GDF6: variants seen among roughly 807,000 people sequenced by gnomAD.
GDF6 encodes growth differentiation factor 6, also known as growth/differentiation factor 6.
In GDF6, 3 loss-of-function variants were observed where a neutral mutation model predicts 32.4. That is an observed-to-expected ratio of 0.09 (90% CI 0.04 to 0.24). The LOEUF (loss-of-function observed/expected upper bound fraction) is 0.24, where lower values mean the gene tolerates loss of function less well. GDF6 is among the 10% of genes least tolerant of loss of function. The pLI, the probability that GDF6 is intolerant of heterozygous loss-of-function variation, is 1.00. For synonymous variants in GDF6, 296 were observed against 295.3 expected (o/e 1.00, Z -0.03); for missense variants, 589 against 637.9 (o/e 0.92, Z 0.83).
At chr8:96,157,119 G>A (rs985668592) in intron 1 of GDF6, among the ~76,000 whole-genome samples, 12 of 152,262 alleles carry the variant, frequency 7.9e-5, no homozygotes, top group African/African-American at 2.9e-4. Flanking sequence ...GCAATGCTTG[G>A]TACACAGTAA....
In GDF6 at chr8:96,157,219, C is replaced by CT. The variant is rs557920665; in HGVS notation, c.406+3067dup. ...GACCTGTTTTAGGTTTGTTTGGTTT[C>CT]TTTTTTTTTTCCCCAATAAGTTCTC... On this transcript the variant is annotated intron_variant, in intron 1 of 1. Transcript: ENST00000287020. Among the ~76,000 whole-genome samples, 290 of 150,152 alleles carry CT rather than the reference C, an allele frequency of 1.9e-3. 3 individuals carry two copies. The highest frequency in any genetic ancestry group is 0.017 in the Middle Eastern group (5 of 292).
intron 1 of GDF6, among the ~76,000 whole-genome samples, chr8:96,146,735 C>T (rs915773511): frequency 2.1e-5 from 3 of 141,420 alleles, no homozygotes; most frequent in African/African-American, 3.1e-5. Context: ...GATAGAGAGA[C>T]TTTCCCATCT....
intron 1 of GDF6, among the ~76,000 whole-genome samples, chr8:96,148,851 C>T (rs1812524294): frequency 6.6e-6 from 1 of 152,184 alleles, no homozygotes. Flanking sequence ...AACCTCTAAC[C>T]CCTAAACAGA....
At chr8:96,154,288 T>C (rs1812622264) in intron 1 of GDF6, among the ~76,000 whole-genome samples, 1 of 151,986 alleles carries the variant, frequency 6.6e-6, no homozygotes, top group South Asian at 2.1e-4. Context: ...CGCGCTTCCC[T>C]AGGAACGTTG....
chr8:96,145,204 C>G lies in GDF6; in HGVS notation c.727G>C (p.Gly243Arg). The G allele has an allele frequency of 2.0e-6, 3 of 1,501,962 alleles. No individual in the cohort carries two copies. The highest frequency in any genetic ancestry group is 2.6e-6 in the Non-Finnish European group (3 of 1,133,242). The allele number at this position is 1,501,962 out of a possible 1,614,324, so 93.0% of individuals were successfully genotyped here. ...LRAAWGELDA[G>R]EAEARARGPQ... ...CCCCGCGCGCGCGCCTCGGCCTCCC[C>G]GGCGTCCAGCTCGCCCCATGCGGCC... The change falls in exon 2 of 2, where the codon GGG (glycine) becomes CGG (arginine). Residue 243 changes from glycine to arginine, a missense_variant. Gly to Arg is a moderately radical substitution (Grantham distance 125). Transcript: ENST00000287020. The surrounding 1 kb of genome is among the most constrained non-coding windows in gnomAD (Gnocchi z 5.6).
chr8:96,148,178 G>A (rs1344463711), intron 1 of GDF6, among the ~76,000 whole-genome samples: 1 of 152,184 alleles, frequency 6.6e-6, no homozygotes, highest in East Asian at 1.9e-4. Flanking sequence ...ATGCAAATGG[G>A]ACTTCAGCTT....
intron 1 of GDF6, among the ~76,000 whole-genome samples, chr8:96,146,707 C>CACACACACAGAGAGAGAGAGAGAGAG (rs367654279): frequency 7.1e-6 from 1 of 139,920 alleles, no homozygotes; most frequent in African/African-American, 2.9e-5. Context: ...CACACACACA[C>CACACACACAGAGAGAGAGAGAGAGAG]AGAGAGAGAG....
intron 1 of GDF6, among the ~76,000 whole-genome samples, chr8:96,147,983 C>G (rs1047592212): frequency 6.6e-6 from 1 of 152,096 alleles, no homozygotes; most frequent in Non-Finnish European, 1.5e-5. Context: ...AATCAGCCTG[C>G]TTTTGTTTTT....
At chr8:96,153,932 A>G (rs1249314094) in intron 1 of GDF6, among the ~76,000 whole-genome samples, 1 of 152,064 alleles carries the variant, frequency 6.6e-6, no homozygotes, top group East Asian at 1.9e-4. Context: ...CAATTTAGCA[A>G]AGTGAGATTC....
rs114267638 is a variant in GDF6, at chr8:96,147,220, C to A, written c.407-1696G>T. ...CGTAGCACTGGCTGGTTCACTCTTA[C>A]GCACATGCCCCAACCTGAGATGGGG... On this transcript the variant is annotated intron_variant, in intron 1 of 1. Transcript: ENST00000287020. Among the ~76,000 whole-genome samples, 1,345 of 152,272 alleles carry A rather than the reference C, an allele frequency of 8.8e-3. 6 individuals carry two copies. Among genetic ancestry groups the A allele is most frequent in the Non-Finnish European group, 0.014 (953 of 68,028 alleles).
rs919252667 is a variant in GDF6 at position 96,145,831 on chromosome 8, A to G, written c.407-307T>C. 5.3e-5 allele frequency among the ~76,000 whole-genome samples: 8 copies of G among 152,012 alleles called. No individual in the cohort carries two copies. In the South Asian group the frequency reaches 1.7e-3, roughly 32 times the overall value. ...TTTCCCCCCAAAAGGCTTCGTAACC[A>G]CTAATGTGCCCTTTGTGGTCTCAAG... On this transcript the variant is annotated intron_variant, in intron 1 of 1. Coordinates refer to ENST00000287020, the MANE Select transcript of GDF6 (RefSeq NM_001001557.4). The surrounding 1 kb of genome is among the most constrained non-coding windows in gnomAD (Gnocchi z 5.6).
At chr8:96,158,839 T>A (rs1479071090) in intron 1 of GDF6, among the ~76,000 whole-genome samples, 1 of 152,158 alleles carries the variant, frequency 6.6e-6, no homozygotes, top group East Asian at 1.9e-4. Context: ...AGCCCTAAAA[T>A]CATCATAAAA....
Position 96,144,292 on chromosome 8 carries a change from A to C in GDF6, c.*271T>G. 3 of 321,494 alleles carry C rather than the reference A, an allele frequency of 9.3e-6. No individual in the cohort carries two copies. The highest frequency in any genetic ancestry group is 5.4e-6 in the Non-Finnish European group (1 of 186,464). The allele number at this position is 321,494 out of a possible 1,614,324, so 19.9% of individuals were successfully genotyped here. ...AGAGAGAGAGAGAGAGAGAGAGAGAAAACAGAACAAAAGAAATCCTCCTTG... is the reference window on the plus strand; with the variant it reads ...AGAGAGAGAGAGAGAGAGAGAGAGACAACAGAACAAAAGAAATCCTCCTTG... On this transcript the variant is annotated 3_prime_UTR_variant, in exon 2 of 2. Transcript: ENST00000287020. The surrounding 1 kb of genome is among the most constrained non-coding windows in gnomAD (Gnocchi z 5.1).
At chr8:96,147,478 G>A (rs368284416) in intron 1 of GDF6, among the ~76,000 whole-genome samples, 1 of 152,344 alleles carries the variant, frequency 6.6e-6, no homozygotes, top group East Asian at 1.9e-4. Context: ...GATGAGATGA[G>A]AGCAACAAAT....
chr8:96,144,336 G>T lies in GDF6; in HGVS notation c.*227C>A. On this transcript the variant is annotated 3_prime_UTR_variant, in exon 2 of 2. Coordinates refer to ENST00000287020, the MANE Select transcript of GDF6 (RefSeq NM_001001557.4). This position sits in a 1 kb window ranked among gnomAD's most constrained non-coding sequence, Gnocchi z 5.1. ...CTCCTTGGCTTGTTTTTCCAGGGTG[G>T]CCAGGCAAGGTGTGAAAATCCATAT... is the stretch of plus-strand genomic sequence containing the variant. The T allele has an allele frequency of 1.8e-6, 1 of 563,986 alleles. No homozygotes were observed. Among genetic ancestry groups the T allele is most frequent in the Non-Finnish European group, 3.2e-6 (1 of 315,918 alleles). 34.9% of individuals were successfully genotyped at this position (563,986 alleles called of 1,614,324 possible).
At chr8:96,151,635 C>T (rs1239742192) in intron 1 of GDF6, among the ~76,000 whole-genome samples, 4 of 152,026 alleles carry the variant, frequency 2.6e-5, no homozygotes, top group African/African-American at 4.8e-5. Context: ...GAAGAAATGT[C>T]GATGATTGGA....
intron 1 of GDF6, among the ~76,000 whole-genome samples, chr8:96,146,524 A>AAT (rs1812487716): frequency 6.6e-6 from 1 of 152,130 alleles, no homozygotes; most frequent in Non-Finnish European, 1.5e-5. Context: ...CAAAAGAGCA[A>AAT]TGAAGTTTCA....
At chr8:96,147,849 G>A (rs1292681126) in intron 1 of GDF6, among the ~76,000 whole-genome samples, 1 of 152,188 alleles carries the variant, frequency 6.6e-6, no homozygotes, top group Non-Finnish European at 1.5e-5. Flanking sequence ...TAAAATCTAG[G>A]CTCCCTTAGG....
chr8:96,144,380 G>A lies in GDF6; in HGVS notation c.*183C>T, dbSNP rs1812430369. 3 of 661,490 alleles carry A rather than the reference G, an allele frequency of 4.5e-6. No homozygotes were observed. The highest frequency in any genetic ancestry group is 7.6e-6 in the Non-Finnish European group (3 of 393,664). 41.0% of individuals were successfully genotyped at this position (661,490 alleles called of 1,614,324 possible). On this transcript the variant is annotated 3_prime_UTR_variant, in exon 2 of 2. Transcript: ENST00000287020. The surrounding 1 kb of genome is among the most constrained non-coding windows in gnomAD (Gnocchi z 5.1). ...TCCATATTTCCCTCTGGGCTGGCAG[G>A]TAGAAGTTACTGGGAAGGCTGCGCT...
Sources: allele counts gnomAD v4.1 joint callset (sites outside exome capture counted in the v4.1 genomes callset), GRCh38; gene constraint gnomAD v4.1.1; non-coding constraint Gnocchi (gnomAD v3.1); transcripts MANE v1.5; gene names NCBI Gene and HGNC (gene_info 2026-07-23, HGNC 2026-07-21).